TRIM26: variants seen among roughly 807,000 people sequenced by gnomAD.
TRIM26 encodes the protein tripartite motif containing 26.
TRIM26 carries 16 observed loss-of-function variants against 45.5 expected under a neutral mutation model. The observed-to-expected ratio is 0.35, with a 90% CI of 0.24 to 0.53. TRIM26 has a LOEUF of 0.53. TRIM26 is among the 20% of genes least tolerant of loss of function. The probability of loss-of-function intolerance (pLI) is 0.92; values close to 1 mark genes in which losing one functional copy is unlikely to be tolerated. For missense variants in TRIM26, 442 were observed against 691.1 expected (o/e 0.64, Z 4.04); for synonymous variants, 273 against 290.4 (o/e 0.94, Z 0.61).
At chr6:30,193,162 G>GTATATA (rs1554201636) in intron 6 of TRIM26, among the ~76,000 whole-genome samples, 3 of 32,006 alleles carry the variant, frequency 9.4e-5, no homozygotes, top group Admixed American at 7.0e-4. Context: ...GTGTGTGTGT[G>GTATATA]TATATATATA....
In TRIM26 at chr6:30,196,780, C is replaced by T. The variant is rs754974931; in HGVS notation, c.535-34G>A. 1.2e-6 allele frequency: 2 copies of T among 1,609,136 alleles called. No homozygotes were observed. Among genetic ancestry groups the T allele is most frequent in the Non-Finnish European group, 1.7e-6 (2 of 1,176,166 alleles). On this transcript the variant is annotated intron_variant, in intron 5 of 9. Coordinates refer to ENST00000454678, the MANE Select transcript of TRIM26 (RefSeq NM_003449.5). This position sits in a 1 kb window ranked among gnomAD's most constrained non-coding sequence, Gnocchi z 4.9. Reference sequence around the variant, plus strand: ...GGCAGGAAGGGGAGAAGGGCTGACACCTCTGCTCAGGGTGGAGGGCCCAGT... The same window carrying T: ...GGCAGGAAGGGGAGAAGGGCTGACATCTCTGCTCAGGGTGGAGGGCCCAGT...
chr6:30,193,189 T>A (rs1204552727), intron 6 of TRIM26, among the ~76,000 whole-genome samples: 1,226 of 99,586 alleles, frequency 0.012, 52 homozygotes, highest in Non-Finnish European at 0.016. Flanking sequence ...TATATTTTTT[T>A]TTTTTTTTTT....
chr6:30,205,853 C>T (rs1443902645), intron 1 of TRIM26, among the ~76,000 whole-genome samples: 1 of 152,180 alleles, frequency 6.6e-6, no homozygotes, highest in African/African-American at 2.4e-5. Context: ...TCCTAGATGC[C>T]ACCCAGAGAG....
At position 30,188,618 on chromosome 6, in the gene TRIM26, G is replaced by T; in HGVS notation, c.937+549C>A. The T allele has an allele frequency of 1.8e-5, 4 of 227,394 alleles. No homozygotes were observed. The South Asian group carries it at 2.4e-4, about 14-fold the overall frequency. The allele number at this position is 227,394 out of a possible 1,614,324, so 14.1% of individuals were successfully genotyped here. ...GGCCTCGTTTGCTCCCAGACAGGCC[G>T]ACCTCCTCAATGGTTCTCACGAAAG... On this transcript the variant is annotated intron_variant, in intron 9 of 9. Coordinates refer to ENST00000454678, the MANE Select transcript of TRIM26 (RefSeq NM_003449.5).
intron 1 of TRIM26, among the ~76,000 whole-genome samples, chr6:30,212,500 A>G (rs774071408): frequency 2.0e-5 from 3 of 152,244 alleles, no homozygotes; most frequent in Non-Finnish European, 2.9e-5. Flanking sequence ...AGTTTGTACT[A>G]TCTTCTCAAT....
chr6:30,193,096 G>GTA (rs1183463863), intron 6 of TRIM26, among the ~76,000 whole-genome samples: 40 of 116,192 alleles, frequency 3.4e-4, no homozygotes, highest in Middle Eastern at 5.0e-3. Flanking sequence ...ACATATATAT[G>GTA]TATCTATATA....
rs1441807768 is a variant in TRIM26 at position 30,198,436 on chromosome 6, G to T, written c.527C>A (p.Ala176Asp). 1.2e-6 allele frequency: 2 copies of T among 1,613,074 alleles called. No individual in the cohort carries two copies. Among genetic ancestry groups the T allele is most frequent in the Non-Finnish European group, 1.7e-6 (2 of 1,180,036 alleles). The change falls in exon 5 of 10, where the codon GCC (alanine) becomes GAC (aspartate). Residue 176 changes from alanine to aspartate, a missense_variant. Coordinates refer to ENST00000454678, the MANE Select transcript of TRIM26 (RefSeq NM_003449.5). The surrounding 1 kb of genome is among the most constrained non-coding windows in gnomAD (Gnocchi z 6.3). ...TGAAACAGCCTCACTTACCAGCGCG[G>T]CCAGGATATCAGCTTCTCCCTTTGC... is the stretch of plus-strand genomic sequence containing the variant. ...FQAKGEADIL[A>D]ALKKLQDQRQ...
In TRIM26 at chr6:30,186,640, G is replaced by C; in HGVS notation, c.938-82C>G. 1 of 1,433,998 alleles carries C rather than the reference G, an allele frequency of 7.0e-7. No homozygotes were observed. The highest frequency in any genetic ancestry group is 1.6e-5 in the South Asian group (1 of 64,018). The allele number at this position is 1,433,998 out of a possible 1,614,324, so 88.8% of individuals were successfully genotyped here. On this transcript the variant is annotated intron_variant, in intron 9 of 9. Coordinates refer to ENST00000454678, the MANE Select transcript of TRIM26 (RefSeq NM_003449.5). The surrounding 1 kb of genome is among the most constrained non-coding windows in gnomAD (Gnocchi z 7.4). Reference sequence around the variant, plus strand: ...AGTCAGAGGGAATAAAATTTATTTTGGCAGATAGCGTTAAACAAAATTAAA... The same window carrying C: ...AGTCAGAGGGAATAAAATTTATTTTCGCAGATAGCGTTAAACAAAATTAAA...
At chr6:30,194,677 A>T (rs1015413479) in intron 6 of TRIM26, among the ~76,000 whole-genome samples, 2 of 152,046 alleles carry the variant, frequency 1.3e-5, no homozygotes, top group African/African-American at 4.8e-5. Context: ...CAACATGGTG[A>T]AACCCTGACT....
In TRIM26 at chr6:30,196,784, TG is replaced by T. The variant is rs1776521559; in HGVS notation, c.535-39del. ...GGAAGGGGAGAAGGGCTGACACCTC[TG>T]CTCAGGGTGGAGGGCCCAGTGCTGG... On this transcript the variant is annotated intron_variant, in intron 5 of 9. Transcript: ENST00000454678. The surrounding 1 kb of genome is among the most constrained non-coding windows in gnomAD (Gnocchi z 4.9). The T allele has an allele frequency of 6.2e-7, 1 of 1,604,760 alleles. No individual in the cohort carries two copies. Among genetic ancestry groups the T allele is most frequent in the Non-Finnish European group, 8.5e-7 (1 of 1,172,530 alleles).
rs1014157084 is a variant in TRIM26, at chr6:30,189,091, G to A, written c.937+76C>T. ...GCAAAAGGGGCTACCTGGGGGAAAA[G>A]TGAGCAGTCAGAATCTCTGCAGGCG... On this transcript the variant is annotated intron_variant, in intron 9 of 9. Coordinates refer to ENST00000454678, the MANE Select transcript of TRIM26 (RefSeq NM_003449.5). The surrounding 1 kb of genome is among the most constrained non-coding windows in gnomAD (Gnocchi z 5.0). The A allele has an allele frequency of 2.5e-5, 38 of 1,514,568 alleles. No individual in the cohort carries two copies. The highest frequency in any genetic ancestry group is 3.4e-5 in the Non-Finnish European group (38 of 1,117,090). 93.8% of individuals were successfully genotyped at this position (1,514,568 alleles called of 1,614,324 possible).
Position 30,196,346 on chromosome 6 carries a change from A to G in TRIM26, c.765+170T>C, listed in dbSNP as rs1776458126. Among the ~76,000 whole-genome samples the G allele has an allele frequency of 6.6e-6, 1 of 152,216 alleles. No homozygotes were observed. Among genetic ancestry groups the G allele is most frequent in the African/African-American group, 2.4e-5 (1 of 41,458 alleles). ...GAAGTGACAGCATGCCAGTTATTTC[A>G]TTTTATGCTCATGCAATCTACAGAC... On this transcript the variant is annotated intron_variant, in intron 6 of 9. Coordinates refer to ENST00000454678, the MANE Select transcript of TRIM26 (RefSeq NM_003449.5). This position sits in a 1 kb window ranked among gnomAD's most constrained non-coding sequence, Gnocchi z 4.9.
At chr6:30,208,549 G>C (rs1777955038) in intron 1 of TRIM26, among the ~76,000 whole-genome samples, 1 of 150,638 alleles carries the variant, frequency 6.6e-6, no homozygotes, top group Non-Finnish European at 1.5e-5. Flanking sequence ...TATTTGGGTG[G>C]GGGGCTGTCA....
At chr6:30,200,630 C>A (rs530148837) in intron 3 of TRIM26, among the ~76,000 whole-genome samples, 1 of 152,214 alleles carries the variant, frequency 6.6e-6, no homozygotes, top group South Asian at 2.1e-4. Flanking sequence ...GACTCTGCTT[C>A]TGTTTACCTT....
Position 30,209,963 on chromosome 6 carries a change from T to C in TRIM26, c.-376+3342A>G, listed in dbSNP as rs201243355. Among the ~76,000 whole-genome samples the C allele has an allele frequency of 5.9e-5, 9 of 151,960 alleles. No homozygotes were observed. The highest frequency in any genetic ancestry group is 1.9e-4 in the East Asian group (1 of 5,172). On this transcript the variant is annotated intron_variant, in intron 1 of 9. Coordinates refer to ENST00000454678, the MANE Select transcript of TRIM26 (RefSeq NM_003449.5). The surrounding 1 kb of genome is among the most constrained non-coding windows in gnomAD (Gnocchi z 4.8). ...GCCTCACGCCTGTAATCCCAGCACT[T>C]TGGGAGGCCGAGGTGGGCAGATCAT...
intron 9 of TRIM26, among the ~76,000 whole-genome samples, chr6:30,187,938 G>T (rs1387773077): frequency 1.0e-5 from 1 of 99,564 alleles, no homozygotes; most frequent in Non-Finnish European, 2.1e-5. Context: ...AAAAAAAAAA[G>T]GCCGGGCGCG....
rs1204552727 is a variant in TRIM26, at chr6:30,193,189, T to G, written c.766-3154A>C. 6.0e-5 allele frequency among the ~76,000 whole-genome samples: 6 copies of G among 99,676 alleles called. 1 individual carries two copies. The highest frequency in any genetic ancestry group is 2.7e-4 in the African/African-American group (6 of 22,118). 65.4% of individuals were successfully genotyped at this position (99,676 alleles called of 152,430 possible). The stretch of plus-strand genomic sequence containing the variant: ...ATATATATATATATATATATTTTTT[T>G]TTTTTTTTTTTTAATGGAGTCTCAC... On this transcript the variant is annotated intron_variant, in intron 6 of 9. Coordinates refer to ENST00000454678, the MANE Select transcript of TRIM26 (RefSeq NM_003449.5).
Position 30,186,689 on chromosome 6 carries a change from TC to T in TRIM26, c.938-132del. The T allele has an allele frequency of 1.7e-6, 2 of 1,201,986 alleles. No homozygotes were observed. The highest frequency in any genetic ancestry group is 2.3e-6 in the Non-Finnish European group (2 of 887,832). 74.5% of individuals were successfully genotyped at this position (1,201,986 alleles called of 1,614,324 possible). On this transcript the variant is annotated intron_variant, in intron 9 of 9. Transcript: ENST00000454678. The surrounding 1 kb of genome is among the most constrained non-coding windows in gnomAD (Gnocchi z 7.4). ...AAGTTGCATACATTAGTAATATAAC[TC>T]AACATCCTTAATTTGGTATAAGTGT...
At chr6:30,206,822 T>C (rs1777775359) in intron 1 of TRIM26, among the ~76,000 whole-genome samples, 1 of 152,202 alleles carries the variant, frequency 6.6e-6, no homozygotes, top group South Asian at 2.1e-4. Flanking sequence ...TCCAGGACTG[T>C]GAATCACTAG....
Sources: gnomAD v4.1 joint callset for allele counts (sites outside exome capture counted in the v4.1 genomes callset) on GRCh38, gnomAD v4.1.1 for gene constraint, Gnocchi (gnomAD v3.1) non-coding constraint, MANE v1.5 for transcripts, NCBI Gene and HGNC (gene_info 2026-07-23, HGNC 2026-07-21) for gene names.